The following DLG2 variants were observed in gnomAD, a reference collection of about 807,000 sequenced individuals.
The protein encoded by DLG2 is discs large MAGUK scaffold protein 2.
Under a neutral mutation model 132.5 loss-of-function variants are expected in DLG2, and 45 were observed. That is an observed-to-expected ratio of 0.34 (90% CI 0.27 to 0.44). DLG2 has a LOEUF of 0.44. Among genes scored for constraint, DLG2 ranks in the 20% least tolerant of loss-of-function variants. DLG2 has a pLI of 1.00. For missense variants in DLG2, 1,045 were observed against 1,196.9 expected (o/e 0.87, Z 1.87); for synonymous variants, 424 against 419.6 (o/e 1.01, Z -0.13).
intron 9 of DLG2, among the ~76,000 whole-genome samples, chr11:84,145,235 C>A (rs1239573005): frequency 6.6e-6 from 1 of 152,170 alleles, no homozygotes; most frequent in East Asian, 1.9e-4. Flanking sequence ...CTTATACAGT[C>A]ATGTGTTGCT....
chr11:84,417,573 G>A lies in DLG2; in HGVS notation c.519+116997C>T, dbSNP rs145555282. Among the ~76,000 whole-genome samples, 740 of 152,072 alleles carry A rather than the reference G, an allele frequency of 4.9e-3. 11 individuals carry two copies. Among genetic ancestry groups the A allele is most frequent in the African/African-American group, 0.015 (605 of 41,492 alleles). On this transcript the variant is annotated intron_variant, in intron 7 of 27. Transcript: ENST00000376104. ...AAAATCCAAGGCTCTTGATGACTTC[G>A]TCTGAGTCTACAGCCATTTGCTAGG...
intron 17 of DLG2, among the ~76,000 whole-genome samples, chr11:83,817,178 T>C (rs562932917): frequency 1.3e-4 from 20 of 152,252 alleles, no homozygotes; most frequent in African/African-American, 3.1e-4. Context: ...AAAATTAACA[T>C]GGTAAGTGCT....
chr11:85,142,366 T>C (rs1464764417), intron 5 of DLG2, among the ~76,000 whole-genome samples: 2 of 151,830 alleles, frequency 1.3e-5, no homozygotes, highest in African/African-American at 4.8e-5. Context: ...GGTTGTTCAT[T>C]GTTGACATTT....
intron 3 of DLG2, among the ~76,000 whole-genome samples, chr11:85,418,126 T>G (rs930164287): frequency 6.6e-6 from 1 of 152,192 alleles, no homozygotes; most frequent in Non-Finnish European, 1.5e-5. Context: ...CCAGAGATTC[T>G]GATACAGTAC....
chr11:85,412,676 G>C (rs1218950479), intron 3 of DLG2, among the ~76,000 whole-genome samples: 1 of 146,120 alleles, frequency 6.8e-6, no homozygotes, highest in Non-Finnish European at 1.5e-5. Context: ...TCTCATCCCA[G>C]TCTCTGTGAA....
intron 4 of DLG2, among the ~76,000 whole-genome samples, chr11:85,178,310 T>C (rs1036028490): frequency 3.3e-5 from 5 of 152,202 alleles, no homozygotes; most frequent in East Asian, 1.9e-4. Context: ...TGCATGTGTT[T>C]ATGCCTAAAG....
chr11:84,782,453 C>T (rs1418094202), intron 6 of DLG2, among the ~76,000 whole-genome samples: 1 of 151,270 alleles, frequency 6.6e-6, no homozygotes, highest in Admixed American at 6.8e-5. Context: ...CACACACACA[C>T]ACACACACAC....
At chr11:84,918,069 G>C (rs1298079710) in intron 6 of DLG2, among the ~76,000 whole-genome samples, 4 of 152,192 alleles carry the variant, frequency 2.6e-5, no homozygotes, top group African/African-American at 9.6e-5. Flanking sequence ...ATCTAGCAAA[G>C]AGTAGGTGTC....
chr11:83,616,921 C>G (rs545653809), intron 19 of DLG2, among the ~76,000 whole-genome samples: 1 of 152,090 alleles, frequency 6.6e-6, no homozygotes, highest in Admixed American at 6.6e-5. Context: ...CACTTCAGAG[C>G]AATTTTACTT....
chr11:85,046,638 T>G (rs1288267848), intron 6 of DLG2, among the ~76,000 whole-genome samples: 3 of 151,826 alleles, frequency 2.0e-5, no homozygotes, highest in Admixed American at 2.0e-4. Context: ...AGGCAATTAT[T>G]TTAGCAAAGC....
At chr11:84,531,375 C>T (rs1342917804) in intron 7 of DLG2, among the ~76,000 whole-genome samples, 1 of 152,128 alleles carries the variant, frequency 6.6e-6, no homozygotes, top group East Asian at 1.9e-4. Flanking sequence ...CTATTTGATA[C>T]TATGCTTATT....
chr11:84,764,942 T>C (rs369222960), intron 6 of DLG2, among the ~76,000 whole-genome samples: 80 of 152,158 alleles, frequency 5.3e-4, no homozygotes, highest in African/African-American at 1.6e-3. Context: ...TTTGACCCAA[T>C]AGGTGCTGGA....
intron 6 of DLG2, among the ~76,000 whole-genome samples, chr11:84,625,170 C>T (rs1299144337): frequency 6.6e-6 from 1 of 151,998 alleles, no homozygotes; most frequent in South Asian, 2.1e-4. Context: ...CGAGAGTCAA[C>T]CTTTTATTCA....
Position 84,840,991 on chromosome 11 carries a change from TAA to T in DLG2, c.357+270668_357+270669del, listed in dbSNP as rs200955316. ...TACCTTTGAACTTAAAGTATAATAG[TAA>T]AAAAAAAAAAATAGTAAAAAAAAAA... On this transcript the variant is annotated intron_variant, in intron 6 of 27. Transcript: ENST00000376104. Among the ~76,000 whole-genome samples, 7 of 120,674 alleles carry T rather than the reference TAA, an allele frequency of 5.8e-5. No homozygotes were observed. In the East Asian group the frequency reaches 9.3e-4, roughly 16 times the overall value. 79.2% of individuals were successfully genotyped at this position (120,674 alleles called of 152,430 possible).
intron 7 of DLG2, among the ~76,000 whole-genome samples, chr11:84,334,191 T>C (rs1160886324): frequency 6.6e-6 from 1 of 152,242 alleles, no homozygotes; most frequent in East Asian, 1.9e-4. Flanking sequence ...TTCAGTCTCC[T>C]GCAATCAAAT....
intron 16 of DLG2, among the ~76,000 whole-genome samples, chr11:83,842,834 GAA>G (rs1368536003): frequency 1.4e-5 from 1 of 72,606 alleles, no homozygotes; most frequent in African/African-American, 4.3e-5. Context: ...AAAAAAAAAA[GAA>G]GGAAAATTAC....
At chr11:84,992,212 T>A (rs965509397) in intron 6 of DLG2, among the ~76,000 whole-genome samples, 1 of 152,198 alleles carries the variant, frequency 6.6e-6, no homozygotes, top group African/African-American at 2.4e-5. Context: ...TTAAATTACT[T>A]CAATATTTTT....
chr11:84,571,514 T>A (rs1044266838), intron 6 of DLG2, among the ~76,000 whole-genome samples: 1 of 152,088 alleles, frequency 6.6e-6, no homozygotes, highest in African/African-American at 2.4e-5. Flanking sequence ...GTCTCTACTA[T>A]GTCTTCTTCT....
intron 3 of DLG2, among the ~76,000 whole-genome samples, chr11:85,287,181 A>AT (rs1039453226): frequency 3.3e-5 from 5 of 152,128 alleles, no homozygotes; most frequent in Admixed American, 2.0e-4. Context: ...GTAGTTCATT[A>AT]TGTATCAATT....
Sources: allele counts gnomAD v4.1 joint callset (sites outside exome capture counted in the v4.1 genomes callset), GRCh38; gene constraint gnomAD v4.1.1; transcripts MANE v1.5; gene names NCBI Gene and HGNC (gene_info 2026-07-23, HGNC 2026-07-21).